Variants in CLSTN2 observed in about 807,000 individuals in gnomAD.
CLSTN2 encodes calsyntenin-2.
CLSTN2 carries 48 observed loss-of-function variants against 101.2 expected under a neutral mutation model. That is an observed-to-expected ratio of 0.47 (90% CI 0.38 to 0.60). CLSTN2 has a LOEUF of 0.60. Among genes scored for constraint, CLSTN2 ranks in the 20% least tolerant of loss-of-function variants. CLSTN2 has a pLI of 0.00. For missense variants in CLSTN2, 1,160 were observed against 1,238.2 expected (o/e 0.94, Z 0.95); for synonymous variants, 481 against 463.6 (o/e 1.04, Z -0.48).
At chr3:140,062,198 C>T (rs2350274) in intron 1 of CLSTN2, among the ~76,000 whole-genome samples, 142,153 of 152,098 alleles carry the variant, frequency 0.93, 66,480 homozygotes, top group East Asian at 0.97. Flanking sequence ...GTCATGATGA[C>T]GTCAGTCCTC....
intron 4 of CLSTN2, among the ~76,000 whole-genome samples, chr3:140,418,512 TC>T (rs772373037): frequency 0.3 from 24,713 of 83,562 alleles, 2,998 homozygotes; most frequent in African/African-American, 0.52. Flanking sequence ...TTTCTTTCTT[TC>T]TTTCTTTTTT....
chr3:140,158,099 A>T (rs1235398470), intron 1 of CLSTN2, among the ~76,000 whole-genome samples: 1 of 152,170 alleles, frequency 6.6e-6, no homozygotes, highest in Non-Finnish European at 1.5e-5. Context: ...AACCAACATT[A>T]CACTAAATGG....
At chr3:140,188,904 C>A (rs1336864128) in intron 2 of CLSTN2, among the ~76,000 whole-genome samples, 2 of 152,128 alleles carry the variant, frequency 1.3e-5, no homozygotes, top group South Asian at 2.1e-4. Context: ...TCCCACATTG[C>A]CCTTTTATGG....
chr3:140,491,855 A>T (rs975908854), intron 8 of CLSTN2, among the ~76,000 whole-genome samples: 1 of 152,176 alleles, frequency 6.6e-6, no homozygotes, highest in Non-Finnish European at 1.5e-5. Flanking sequence ...TAGTTTAAAT[A>T]AAAATATTAA....
At chr3:140,366,889 G>A (rs1381537018) in intron 2 of CLSTN2, among the ~76,000 whole-genome samples, 1 of 152,192 alleles carries the variant, frequency 6.6e-6, no homozygotes, top group Non-Finnish European at 1.5e-5. Flanking sequence ...GAATGACAAG[G>A]CTGCTCTTAT....
chr3:140,027,243 T>C (rs2007440354), intron 1 of CLSTN2, among the ~76,000 whole-genome samples: 1 of 152,162 alleles, frequency 6.6e-6, no homozygotes, highest in Non-Finnish European at 1.5e-5. Flanking sequence ...AACCTCAGAA[T>C]ATAGCCTTGT....
At chr3:140,427,240 T>TATACATATATATAC (rs2088581760) in intron 5 of CLSTN2, among the ~76,000 whole-genome samples, 10 of 123,250 alleles carry the variant, frequency 8.1e-5, no homozygotes, top group African/African-American at 1.8e-4. Flanking sequence ...TATATATATA[T>TATACATATATATAC]ATATACATAT....
chr3:140,023,589 A>G (rs2007360667), intron 1 of CLSTN2, among the ~76,000 whole-genome samples: 1 of 152,110 alleles, frequency 6.6e-6, no homozygotes, highest in East Asian at 1.9e-4. Context: ...ACAAGAAAGC[A>G]GACTCCATTT....
At chr3:140,127,252 G>A (rs911665022) in intron 1 of CLSTN2, among the ~76,000 whole-genome samples, 3 of 152,028 alleles carry the variant, frequency 2.0e-5, no homozygotes, top group African/African-American at 4.8e-5. Flanking sequence ...CATTTGACCC[G>A]GGGCAAATTG....
intron 1 of CLSTN2, among the ~76,000 whole-genome samples, chr3:140,064,397 A>G (rs2008262987): frequency 6.6e-6 from 1 of 152,260 alleles, no homozygotes; most frequent in South Asian, 2.1e-4. Context: ...AAAGTGGAGT[A>G]GAATGTCTTT....
Position 140,517,969 on chromosome 3 carries a change from C to T in CLSTN2, c.1345-14355C>T, listed in dbSNP as rs144510632. Among the ~76,000 whole-genome samples, 542 of 152,150 alleles carry T rather than the reference C, an allele frequency of 3.6e-3. 3 individuals are homozygous for T. The highest frequency in any genetic ancestry group is 0.01 in the African/African-American group (435 of 41,478). ...GGTGGCAGGGTTAGGTGTGTCTGAGCGCAGACTCTCCGTGGATGCGGCTTG... is the reference window on the plus strand; with the variant it reads ...GGTGGCAGGGTTAGGTGTGTCTGAGTGCAGACTCTCCGTGGATGCGGCTTG... On this transcript the variant is annotated intron_variant, in intron 8 of 16. Coordinates refer to ENST00000458420, the MANE Select transcript of CLSTN2 (RefSeq NM_022131.3).
chr3:139,991,680 A>G (rs758053322), intron 1 of CLSTN2, among the ~76,000 whole-genome samples: 5 of 152,254 alleles, frequency 3.3e-5, no homozygotes, highest in Non-Finnish European at 7.3e-5. Flanking sequence ...TGATATTTAT[A>G]TTAGCCAAGG....
intron 8 of CLSTN2, among the ~76,000 whole-genome samples, chr3:140,517,680 T>C (rs1934945437): frequency 6.6e-6 from 1 of 152,150 alleles, no homozygotes. Flanking sequence ...CCGTCTTCAG[T>C]TCTCTCGGCC....
At chr3:140,459,876 G>A in intron 7 of CLSTN2, 107 bp downstream of exon 7, 1 of 1,326,646 alleles carries the variant, frequency 7.5e-7, no homozygotes, top group East Asian at 2.3e-5. Flanking sequence ...AAGAAAAGCA[G>A]GAGCCTGAGA....
rs570391029 is a variant in CLSTN2 at position 139,935,355 on chromosome 3, C to T, written c.-20C>T. The T allele has an allele frequency of 5.0e-6, 6 of 1,203,250 alleles. No homozygotes were observed. Among genetic ancestry groups the T allele is most frequent in the Non-Finnish European group, 5.2e-6 (5 of 963,514 alleles). The allele number at this position is 1,203,250 out of a possible 1,614,324, so 74.5% of individuals were successfully genotyped here. A position where few individuals can be genotyped will look rare whatever the true frequency, so the allele number is the denominator to read the frequency against. Reference sequence around the variant, plus strand: ...CGGACAGTAGGCGGCGGCTGCAGCTCGTTGGCGGCTGCTGCGAGGATGCTG... The same window carrying T: ...CGGACAGTAGGCGGCGGCTGCAGCTTGTTGGCGGCTGCTGCGAGGATGCTG... On this transcript the variant is annotated 5_prime_UTR_variant, in exon 1 of 17. Coordinates refer to ENST00000458420, the MANE Select transcript of CLSTN2 (RefSeq NM_022131.3). The surrounding 1 kb of genome is among the most constrained non-coding windows in gnomAD (Gnocchi z 5.5).
chr3:140,545,883 G>A (rs957486447), intron 9 of CLSTN2, among the ~76,000 whole-genome samples: 2 of 152,214 alleles, frequency 1.3e-5, no homozygotes, highest in African/African-American at 4.8e-5. Flanking sequence ...TATGTAAAAG[G>A]CCTTGAATTT....
chr3:140,405,306 C>T (rs893510842), intron 4 of CLSTN2, among the ~76,000 whole-genome samples: 5 of 151,974 alleles, frequency 3.3e-5, no homozygotes, highest in African/African-American at 7.2e-5. Flanking sequence ...TCACTCACTG[C>T]AACCTCCACG....
intron 9 of CLSTN2, among the ~76,000 whole-genome samples, chr3:140,538,787 C>T (rs1485572366): frequency 6.6e-6 from 1 of 152,142 alleles, no homozygotes; most frequent in Admixed American, 6.5e-5. Context: ...TCATGTTTTC[C>T]AAGGAGTTCT....
At chr3:140,466,797 G>C (rs1021527783) in intron 8 of CLSTN2, 66 bp downstream of exon 8, 41 of 1,603,178 alleles carry the variant, frequency 2.6e-5, no homozygotes, top group Non-Finnish European at 3.1e-5. Context: ...CCAATCCAAT[G>C]GTGATGGCAG....
Sources: gnomAD v4.1 joint callset for allele counts (sites outside exome capture counted in the v4.1 genomes callset) on GRCh38, gnomAD v4.1.1 for gene constraint, Gnocchi (gnomAD v3.1) non-coding constraint, MANE v1.5 for transcripts, NCBI Gene and HGNC (gene_info 2026-07-23, HGNC 2026-07-21) for gene names.